The following CUX1 variants were observed in gnomAD, a reference collection of about 807,000 sequenced individuals.
CUX1 encodes cut like homeobox 1, also known as protein CASP.
CUX1 carries 31 observed loss-of-function variants against 158.8 expected under a neutral mutation model. The observed-to-expected ratio is 0.20, with a 90% CI of 0.15 to 0.26. The LOEUF is 0.26. Ranked by LOEUF, CUX1 falls within the 10% of genes least tolerant of loss-of-function variation. The pLI is 1.00. For missense variants in CUX1, 1,589 were observed against 2,014.6 expected (o/e 0.79, Z 4.04); for synonymous variants, 879 against 862.1 (o/e 1.02, Z -0.34).
chr7:101,999,560 C>T (rs959438337), intron 2 of CUX1, among the ~76,000 whole-genome samples: 3 of 152,154 alleles, frequency 2.0e-5, no homozygotes, highest in Admixed American at 6.5e-5. Context: ...CACCACTCCT[C>T]GAAGCACCCC....
intron 8 of CUX1, among the ~76,000 whole-genome samples, chr7:102,149,274 G>A (rs578138839): frequency 1.3e-5 from 2 of 152,126 alleles, no homozygotes; most frequent in East Asian, 3.9e-4. Context: ...CCCCTACTCC[G>A]GGATACTGTT....
intron 1 of CUX1, among the ~76,000 whole-genome samples, chr7:101,893,970 A>T (rs1490707391): frequency 6.6e-6 from 1 of 152,216 alleles, no homozygotes; most frequent in East Asian, 1.9e-4. Context: ...GTGGATATTT[A>T]AAAGTTTTGG....
At chr7:102,027,871 G>C (rs543747062) in intron 2 of CUX1, among the ~76,000 whole-genome samples, 2 of 152,230 alleles carry the variant, frequency 1.3e-5, no homozygotes, top group East Asian at 1.9e-4. Flanking sequence ...TCAACAACAA[G>C]AACAACAAAG....
chr7:101,915,960 C>T (rs546299711), intron 1 of CUX1, among the ~76,000 whole-genome samples, 155 bp from the exon 2 acceptor site: 1 of 152,208 alleles, frequency 6.6e-6, no homozygotes, highest in Non-Finnish European at 1.5e-5. Flanking sequence ...TCTCTGCCTT[C>T]CCGCCACCCT....
At position 102,253,879 on chromosome 7, in the gene CUX1, C is replaced by G. The variant is rs1801789784; in HGVS notation, c.*4837C>G. ...GCTCCTGTGCTGCCGGTGGGGGGCCCTGTCCCTCCCCAGATGTCCTCCCTC... is the reference window on the plus strand; with the variant it reads ...GCTCCTGTGCTGCCGGTGGGGGGCCGTGTCCCTCCCCAGATGTCCTCCCTC... On this transcript the variant is annotated 3_prime_UTR_variant, in exon 24 of 24. Coordinates refer to ENST00000292535, the MANE Select transcript of CUX1 (RefSeq NM_181552.4). The G allele has an allele frequency of 1.0e-6, 1 of 985,620 alleles. No individual in the cohort carries two copies. The highest frequency in any genetic ancestry group is 1.2e-6 in the Non-Finnish European group (1 of 830,212). The allele number at this position is 985,620 out of a possible 1,614,324, so 61.1% of individuals were successfully genotyped here.
intron 22 of CUX1, among the ~76,000 whole-genome samples, chr7:102,238,133 C>G (rs1008943321): frequency 6.6e-6 from 1 of 152,178 alleles, no homozygotes; most frequent in Non-Finnish European, 1.5e-5. Flanking sequence ...TGCGGGCAAG[C>G]CTGACAATGT....
chr7:101,913,261 G>C, intron 1 of CUX1: 4 of 713,156 alleles, frequency 5.6e-6, no homozygotes, highest in Non-Finnish European at 8.3e-6. Context: ...GTGCCAATCT[G>C]TTTCTGTGGT....
intron 1 of CUX1, among the ~76,000 whole-genome samples, chr7:101,829,586 C>T (rs748724085): frequency 7.1e-6 from 1 of 141,394 alleles, no homozygotes; most frequent in Non-Finnish European, 1.5e-5. Context: ...GTGGGGTCAT[C>T]GGGTGACTCA....
At position 102,249,024 on chromosome 7, in the gene CUX1, T is replaced by C; in HGVS notation, c.4500T>C (p.Pro1500=). 1.5e-6 allele frequency: 2 copies of C among 1,373,638 alleles called. No individual in the cohort carries two copies. Among genetic ancestry groups the C allele is most frequent in the African/African-American group, 1.5e-5 (1 of 65,456 alleles). The allele number at this position is 1,373,638 out of a possible 1,614,324, so 85.1% of individuals were successfully genotyped here. A position where few individuals can be genotyped will look rare whatever the true frequency, so the allele number is the denominator to read the frequency against. The stretch of plus-strand genomic sequence containing the variant: ...AGAAGGCCGCCAGCCGGGAGGAACC[T>C]ATCGAATGGGAGTTCTGAGGGGCCG... ...RLEKAASREE[P]IEWEF is the part of the protein sequence containing the mutation. The change falls in exon 24 of 24, where the codon CCT becomes CCC. Residue 1500 remains proline, a synonymous_variant. Transcript: ENST00000292535.
chr7:102,013,514 G>A (rs147291507), intron 2 of CUX1, among the ~76,000 whole-genome samples: 1 of 152,290 alleles, frequency 6.6e-6, no homozygotes, highest in South Asian at 2.1e-4. Flanking sequence ...GCCTGAGAAA[G>A]CTTGCTTAGA....
At chr7:102,079,164 G>A (rs893507910) in intron 4 of CUX1, among the ~76,000 whole-genome samples, 3 of 152,160 alleles carry the variant, frequency 2.0e-5, no homozygotes, top group African/African-American at 7.2e-5. Flanking sequence ...TCAGCCTGGC[G>A]TGGTGACTCA....
intron 2 of CUX1, among the ~76,000 whole-genome samples, chr7:101,968,688 G>T (rs188445623): frequency 6.6e-6 from 1 of 152,276 alleles, no homozygotes; most frequent in East Asian, 1.9e-4. Context: ...CTCCCAAAGT[G>T]CTGGGATTAT....
chr7:102,030,860 C>T (rs1023229509), intron 3 of CUX1, among the ~76,000 whole-genome samples: 4 of 151,662 alleles, frequency 2.6e-5, no homozygotes, highest in African/African-American at 4.8e-5. Flanking sequence ...CCACCACATC[C>T]GGCTAATTTA....
At chr7:101,920,966 T>C (rs1216104684) in intron 2 of CUX1, among the ~76,000 whole-genome samples, 1 of 152,054 alleles carries the variant, frequency 6.6e-6, no homozygotes, top group African/African-American at 2.4e-5. Context: ...GCTGGGACTA[T>C]AGGTGCGTGC....
chr7:102,251,352 G>A lies in CUX1; in HGVS notation c.*2310G>A, dbSNP rs1026736397. On this transcript the variant is annotated 3_prime_UTR_variant, in exon 24 of 24. Coordinates refer to ENST00000292535, the MANE Select transcript of CUX1 (RefSeq NM_181552.4). Reference sequence around the variant, plus strand: ...CTTTGACTGTAAGATGTGAAACCACGTTTCTTGCATGATGTTTTAGAGATT... The same window carrying A: ...CTTTGACTGTAAGATGTGAAACCACATTTCTTGCATGATGTTTTAGAGATT... The A allele has an allele frequency of 2.4e-4, 237 of 985,178 alleles. No individual in the cohort carries two copies. The highest frequency in any genetic ancestry group is 2.7e-4 in the Non-Finnish European group (223 of 829,918). The allele number at this position is 985,178 out of a possible 1,614,324, so 61.0% of individuals were successfully genotyped here. A position where few individuals can be genotyped will look rare whatever the true frequency, so the allele number is the denominator to read the frequency against.
intron 8 of CUX1, among the ~76,000 whole-genome samples, chr7:102,138,891 C>T (rs1834164442): frequency 6.6e-6 from 1 of 152,154 alleles, no homozygotes; most frequent in Non-Finnish European, 1.5e-5. Flanking sequence ...CAAAGGCATT[C>T]TTCTCATCAC....
At chr7:102,281,540 G>A (rs2065952087) in intron 20 of CUX1, among the ~76,000 whole-genome samples, 1 of 152,098 alleles carries the variant, frequency 6.6e-6, no homozygotes, top group African/African-American at 2.4e-5. Flanking sequence ...ACGCACACCT[G>A]TAATCCCAGC....
At chr7:102,281,996 T>C (rs1792108463) in intron 21 of CUX1, 3 of 1,042,404 alleles carry the variant, frequency 2.9e-6, no homozygotes, top group Middle Eastern at 2.0e-4. Flanking sequence ...AGGGGCCTGT[T>C]ACGGTGGCCT....
intron 1 of CUX1, among the ~76,000 whole-genome samples, chr7:101,909,535 T>A (rs1158551278): frequency 6.6e-6 from 1 of 152,250 alleles, no homozygotes; most frequent in Non-Finnish European, 1.5e-5. Flanking sequence ...AGGACCTTCC[T>A]GTGCAGGAAC....
Sources: gnomAD v4.1 joint callset for allele counts (sites outside exome capture counted in the v4.1 genomes callset) on GRCh38, gnomAD v4.1.1 for gene constraint, MANE v1.5 for transcripts, NCBI Gene and HGNC (gene_info 2026-07-23, HGNC 2026-07-21) for gene names.